Variants in MAPK10 observed in about 807,000 individuals in gnomAD.
MAPK10 encodes the protein mitogen-activated protein kinase 10.
In MAPK10, 25 loss-of-function variants were observed where a neutral mutation model predicts 59.3. The observed-to-expected ratio is 0.42, with a 90% CI of 0.31 to 0.59. MAPK10 has a LOEUF of 0.59. Among genes scored for constraint, MAPK10 ranks in the 20% least tolerant of loss-of-function variants. The pLI, the probability that MAPK10 is intolerant of heterozygous loss-of-function variation, is 0.15. For missense variants in MAPK10, 351 were observed against 568.9 expected (o/e 0.62, Z 3.90); for synonymous variants, 190 against 200.5 (o/e 0.95, Z 0.44).
At chr4:86,071,541 C>A (rs1279004066) in intron 9 of MAPK10, among the ~76,000 whole-genome samples, 294 of 148,136 alleles carry the variant, frequency 2.0e-3, no homozygotes, top group Middle Eastern at 3.4e-3. Flanking sequence ...ACGTTTAAGT[C>A]TTTAATCCAT....
At chr4:86,071,673 C>G (rs2048009330) in intron 9 of MAPK10, among the ~76,000 whole-genome samples, 1 of 151,242 alleles carries the variant, frequency 6.6e-6, no homozygotes, top group South Asian at 2.1e-4. Flanking sequence ...TGTTGTTTTT[C>G]TCAGGTTTGT....
chr4:86,550,609 A>G (rs1053208155), intron 1 of MAPK10, among the ~76,000 whole-genome samples: 1 of 152,128 alleles, frequency 6.6e-6, no homozygotes, highest in Non-Finnish European at 1.5e-5. Context: ...AGGCTGAGGC[A>G]GGAGAATCAC....
intron 2 of MAPK10, among the ~76,000 whole-genome samples, chr4:86,258,840 A>T (rs1420961108): frequency 6.6e-6 from 1 of 152,218 alleles, no homozygotes; most frequent in East Asian, 1.9e-4. Flanking sequence ...ACTGTTACTT[A>T]AAATTGCAGC....
intron 2 of MAPK10, among the ~76,000 whole-genome samples, chr4:86,254,727 C>G (rs2148721752): frequency 6.8e-6 from 1 of 147,478 alleles, no homozygotes; most frequent in East Asian, 2.0e-4. Context: ...TCCTGGGTAT[C>G]CTTGTTGACT....
intron 1 of MAPK10, among the ~76,000 whole-genome samples, chr4:86,488,110 G>A (rs928087513): frequency 1.3e-5 from 2 of 152,112 alleles, no homozygotes; most frequent in Admixed American, 1.3e-4. Context: ...TCAATCCCTT[G>A]ACAGATTAGC....
rs182816419 is a variant in MAPK10, at chr4:86,303,651, A to G, written c.-7+50879T>C. Among the ~76,000 whole-genome samples the G allele has an allele frequency of 2.3e-3, 343 of 152,332 alleles. 1 individual carries two copies. Among genetic ancestry groups the G allele is most frequent in the African/African-American group, 7.5e-3 (313 of 41,568 alleles). Reference sequence around the variant, plus strand: ...TATTTTCACCACATCTCAAAGGGTAAATAGGAGTTTTATATGTGGTAGTTA... The same window carrying G: ...TATTTTCACCACATCTCAAAGGGTAGATAGGAGTTTTATATGTGGTAGTTA... On this transcript the variant is annotated intron_variant, in intron 2 of 13. Transcript: ENST00000641462.
intron 1 of MAPK10, among the ~76,000 whole-genome samples, chr4:86,579,805 T>C (rs571862182): frequency 6.6e-5 from 10 of 152,216 alleles, no homozygotes; most frequent in Admixed American, 2.6e-4. Flanking sequence ...GATGTATGTT[T>C]TCTATGTTTT....
At chr4:86,331,926 C>T (rs1028505480) in intron 2 of MAPK10, among the ~76,000 whole-genome samples, 10 of 152,120 alleles carry the variant, frequency 6.6e-5, no homozygotes, top group Admixed American at 2.6e-4. Flanking sequence ...GCTGCTTTTG[C>T]TTATACTTTG....
chr4:86,170,478 G>A (rs1266702007), intron 3 of MAPK10, among the ~76,000 whole-genome samples: 1 of 152,144 alleles, frequency 6.6e-6, no homozygotes, highest in Non-Finnish European at 1.5e-5. Flanking sequence ...AGACGAAGAA[G>A]GCCATTACAT....
chr4:86,189,462 C>T (rs558364844), intron 3 of MAPK10, among the ~76,000 whole-genome samples: 5 of 152,234 alleles, frequency 3.3e-5, no homozygotes, highest in East Asian at 1.9e-4. Context: ...AGAGGTCATT[C>T]GCATCCCTTT....
intron 3 of MAPK10, among the ~76,000 whole-genome samples, chr4:86,172,674 T>C (rs1361796802): frequency 6.6e-6 from 1 of 150,792 alleles, no homozygotes; most frequent in Non-Finnish European, 1.5e-5. Flanking sequence ...TGTATACATA[T>C]GTAACTAACC....
At chr4:86,047,176 C>T (rs1218285805) in intron 11 of MAPK10, among the ~76,000 whole-genome samples, 4 of 152,058 alleles carry the variant, frequency 2.6e-5, no homozygotes, top group African/African-American at 9.7e-5. Context: ...AGAAGCAGGT[C>T]ATCTACTTAT....
intron 2 of MAPK10, among the ~76,000 whole-genome samples, chr4:86,240,544 A>G (rs2092648750): frequency 6.6e-6 from 1 of 152,192 alleles, no homozygotes; most frequent in African/African-American, 2.4e-5. Flanking sequence ...GTGCATACAT[A>G]TTTAGAATAG....
chr4:86,170,360 AG>A (rs2073708079), intron 3 of MAPK10, among the ~76,000 whole-genome samples: 1 of 152,186 alleles, frequency 6.6e-6, no homozygotes, highest in African/African-American at 2.4e-5. Context: ...AAAAGGATGG[AG>A]GAAGATCTAC....
At chr4:86,501,182 C>T (rs1190087931) in intron 1 of MAPK10, among the ~76,000 whole-genome samples, 1 of 145,082 alleles carries the variant, frequency 6.9e-6, no homozygotes, top group Non-Finnish European at 1.5e-5. Flanking sequence ...GCAATAATGA[C>T]CTGAATTCCA....
intron 9 of MAPK10, among the ~76,000 whole-genome samples, chr4:86,094,233 G>A (rs1327197526): frequency 2.0e-5 from 3 of 151,686 alleles, no homozygotes; most frequent in African/African-American, 7.3e-5. Flanking sequence ...TTAATTTGAG[G>A]GTGTTTTTCT....
intron 2 of MAPK10, among the ~76,000 whole-genome samples, chr4:86,259,443 T>C (rs1347859187): frequency 1.3e-5 from 2 of 152,110 alleles, no homozygotes; most frequent in African/African-American, 4.8e-5. Flanking sequence ...ATGTCTTCTG[T>C]AAAGTACTAT....
intron 1 of MAPK10, among the ~76,000 whole-genome samples, chr4:86,395,651 A>G (rs1742807749): frequency 6.6e-6 from 1 of 152,202 alleles, no homozygotes; most frequent in South Asian, 2.1e-4. Flanking sequence ...AGAATATTAT[A>G]GACTGGTGGC....
intron 3 of MAPK10, among the ~76,000 whole-genome samples, chr4:86,168,569 T>G (rs1437817959): frequency 6.6e-6 from 1 of 152,166 alleles, no homozygotes; most frequent in Non-Finnish European, 1.5e-5. Context: ...AAGCTCCAAC[T>G]GGGTGGAGCC....
Sources: gnomAD v4.1 joint callset for allele counts (sites outside exome capture counted in the v4.1 genomes callset) on GRCh38, gnomAD v4.1.1 for gene constraint, MANE v1.5 for transcripts, NCBI Gene and HGNC (gene_info 2026-07-23, HGNC 2026-07-21) for gene names.